Variants in RSRC1 observed in about 807,000 individuals in gnomAD.
RSRC1 encodes the protein serine/Arginine-related protein 53.
Under a neutral mutation model 49.1 loss-of-function variants are expected in RSRC1, and 39 were observed. The observed-to-expected ratio is 0.79, with a 90% CI of 0.61 to 1.04. The LOEUF (loss-of-function observed/expected upper bound fraction) is 1.04, where lower values mean the gene tolerates loss of function less well. Among genes scored for constraint, RSRC1 ranks in the 50% least tolerant of loss-of-function variants. The pLI, the probability that RSRC1 is intolerant of heterozygous loss-of-function variation, is 0.00. For synonymous variants in RSRC1, 143 were observed against 130.8 expected (o/e 1.09, Z -0.63); for missense variants, 388 against 402.4 (o/e 0.96, Z 0.31).
intron 4 of RSRC1, among the ~76,000 whole-genome samples, chr3:158,233,826 C>T (rs561284667): frequency 6.6e-6 from 1 of 152,144 alleles, no homozygotes; most frequent in Non-Finnish European, 1.5e-5. Flanking sequence ...CTGCAGTTAC[C>T]TCATGCTCTG....
chr3:158,248,651 G>T (rs1724039596), intron 4 of RSRC1, among the ~76,000 whole-genome samples: 1 of 150,958 alleles, frequency 6.6e-6, no homozygotes, highest in Admixed American at 6.6e-5. Context: ...AGGCTGGAGT[G>T]CAGTAATGTG....
At chr3:158,470,343 CACACACACACACACACACATATAT>C (rs1327913432) in intron 7 of RSRC1, among the ~76,000 whole-genome samples, 3 of 117,922 alleles carry the variant, frequency 2.5e-5, no homozygotes, top group Non-Finnish European at 5.3e-5. Context: ...CACACACACA[CACACACACACACACACACATATAT>C]ATATATATAT....
At position 158,527,018 on chromosome 3, in the gene RSRC1, A is replaced by C. The variant is rs185878782; in HGVS notation, c.653-10074A>C. ...AGAATTAACCATGAGAGGAAATAAA[A>C]GATTAATTCAAGTCAGTCATCACCG... On this transcript the variant is annotated intron_variant, in intron 7 of 9. Coordinates refer to ENST00000611884, the MANE Select transcript of RSRC1 (RefSeq NM_001271838.2). 2.6e-5 allele frequency among the ~76,000 whole-genome samples: 4 copies of C among 152,032 alleles called. No homozygotes were observed. In the East Asian group the frequency reaches 7.8e-4, roughly 30 times the overall value.
intron 4 of RSRC1, among the ~76,000 whole-genome samples, chr3:158,269,630 A>T (rs1725392687): frequency 6.6e-6 from 1 of 151,970 alleles, no homozygotes; most frequent in Non-Finnish European, 1.5e-5. Flanking sequence ...CTCCTGCCTC[A>T]GCCTCCCGAG....
intron 7 of RSRC1, among the ~76,000 whole-genome samples, chr3:158,476,637 C>A (rs374904310): frequency 2.6e-5 from 4 of 152,172 alleles, no homozygotes. Flanking sequence ...TATTTAAAGC[C>A]CACTGTTGAG....
chr3:158,130,874 A>G (rs1715973765), intron 3 of RSRC1, among the ~76,000 whole-genome samples: 1 of 152,118 alleles, frequency 6.6e-6, no homozygotes, highest in African/African-American at 2.4e-5. Context: ...TTCCACTCTT[A>G]TTAGCTCTAG....
At chr3:158,466,108 A>G (rs1378066531) in intron 7 of RSRC1, among the ~76,000 whole-genome samples, 1 of 152,186 alleles carries the variant, frequency 6.6e-6, no homozygotes, top group East Asian at 1.9e-4. Context: ...CATATTACAT[A>G]GCATCAACCT....
chr3:158,369,655 C>T (rs1038443025), intron 6 of RSRC1, among the ~76,000 whole-genome samples: 1 of 151,996 alleles, frequency 6.6e-6, no homozygotes, highest in Admixed American at 6.6e-5. Context: ...GAGTGGATGG[C>T]AACAAATAAT....
chr3:158,428,320 A>G (rs1030195449), intron 6 of RSRC1, among the ~76,000 whole-genome samples: 3 of 151,878 alleles, frequency 2.0e-5, no homozygotes, highest in Non-Finnish European at 4.4e-5. Flanking sequence ...AACTGAATAG[A>G]AAATAATTTT....
At chr3:158,389,206 A>G (rs1357630151) in intron 6 of RSRC1, among the ~76,000 whole-genome samples, 4 of 152,078 alleles carry the variant, frequency 2.6e-5, no homozygotes, top group Admixed American at 2.6e-4. Context: ...AATAAACATC[A>G]CTCTTTCATC....
At chr3:158,346,105 A>T (rs1730539627) in intron 5 of RSRC1, among the ~76,000 whole-genome samples, 1 of 152,148 alleles carries the variant, frequency 6.6e-6, no homozygotes, top group Non-Finnish European at 1.5e-5. Flanking sequence ...GTGACTTCAG[A>T]TTAGGTAAAG....
At chr3:158,448,182 A>G (rs138230389) in intron 6 of RSRC1, among the ~76,000 whole-genome samples, 1 of 152,100 alleles carries the variant, frequency 6.6e-6, no homozygotes, top group Non-Finnish European at 1.5e-5. Flanking sequence ...AGGAACACAG[A>G]ATGATGAAAT....
Position 158,243,955 on chromosome 3 carries a change from T to G in RSRC1, c.494+40710T>G, listed in dbSNP as rs575778780. ...GCTTTTGGGCTGAGACTATGGTTTT[T>G]TTTTTTTTTTTTAATATACAGGATT... On this transcript the variant is annotated intron_variant, in intron 4 of 9. Transcript: ENST00000611884. 5.3e-5 allele frequency among the ~76,000 whole-genome samples: 8 copies of G among 151,644 alleles called. No homozygotes were observed. In the East Asian group the frequency reaches 7.7e-4, roughly 15 times the overall value.
intron 6 of RSRC1, among the ~76,000 whole-genome samples, chr3:158,398,638 A>G (rs746193552): frequency 2.0e-5 from 3 of 152,152 alleles, no homozygotes; most frequent in Admixed American, 6.6e-5. Context: ...GCAGGGAGCA[A>G]AGGATGGATT....
At chr3:158,292,435 C>G (rs1424061461) in intron 4 of RSRC1, among the ~76,000 whole-genome samples, 1 of 152,190 alleles carries the variant, frequency 6.6e-6, no homozygotes, top group Non-Finnish European at 1.5e-5. Flanking sequence ...AAAAGACCTG[C>G]TGTACTCCTG....
At chr3:158,332,931 A>G (rs962188070) in intron 5 of RSRC1, among the ~76,000 whole-genome samples, 2 of 147,786 alleles carry the variant, frequency 1.4e-5, no homozygotes, top group Non-Finnish European at 3.0e-5. Flanking sequence ...ACCATAATTT[A>G]TTTAATCATT....
At chr3:158,192,162 G>T (rs1346437769) in intron 3 of RSRC1, among the ~76,000 whole-genome samples, 2 of 151,956 alleles carry the variant, frequency 1.3e-5, no homozygotes, top group Non-Finnish European at 2.9e-5. Flanking sequence ...TGAACATTAA[G>T]ACATAGAGGG....
chr3:158,247,095 A>G (rs938262207), intron 4 of RSRC1, among the ~76,000 whole-genome samples: 1 of 150,762 alleles, frequency 6.6e-6, no homozygotes, highest in East Asian at 2.0e-4. Flanking sequence ...TTTTTTCTCT[A>G]TTCTTGTTTG....
intron 4 of RSRC1, among the ~76,000 whole-genome samples, chr3:158,252,657 G>A (rs1724288546): frequency 6.6e-6 from 1 of 152,136 alleles, no homozygotes; most frequent in Non-Finnish European, 1.5e-5. Flanking sequence ...AATTTGAGTA[G>A]GATTGGAATA....
Sources: gnomAD v4.1 joint callset for allele counts (sites outside exome capture counted in the v4.1 genomes callset) on GRCh38, gnomAD v4.1.1 for gene constraint, MANE v1.5 for transcripts, NCBI Gene and HGNC (gene_info 2026-07-23, HGNC 2026-07-21) for gene names.